The following HECTD3 variants were observed in gnomAD, a reference collection of about 807,000 sequenced individuals.
HECTD3 encodes HECT domain E3 ubiquitin protein ligase 3, also known as E3 ubiquitin-protein ligase HECTD3.
Under a neutral mutation model 109.3 loss-of-function variants are expected in HECTD3, and 72 were observed. The ratio of observed to expected loss-of-function variants is 0.66; its 90% confidence interval spans 0.54 to 0.80. The LOEUF (loss-of-function observed/expected upper bound fraction) is 0.80. Among genes scored for constraint, HECTD3 ranks in the 30% least tolerant of loss-of-function variants. The pLI, the probability that HECTD3 is intolerant of heterozygous loss-of-function variation, is 0.00. For synonymous variants in HECTD3, 481 were observed against 471.8 expected (o/e 1.02, Z -0.25); for missense variants, 1,041 against 1,165.2 (o/e 0.89, Z 1.55).
chr1:45,010,612 A>C lies in HECTD3; in HGVS notation c.464T>G (p.Ile155Ser). The change falls in exon 2 of 21, where the codon ATC becomes AGC. Residue 155 changes from isoleucine to serine, a missense_variant. Physicochemically the swap from Ile to Ser is moderately radical, Grantham distance 142. Transcript: ENST00000372172. ...PAEGGARLVP[I>S]DTPNHLQRQQ... Reference sequence around the variant, plus strand: ...CCGCTGGAGGTGGTTGGGAGTGTCGATGGGTACCAGGCGGGCTCCGCCCTC... The same window carrying C: ...CCGCTGGAGGTGGTTGGGAGTGTCGCTGGGTACCAGGCGGGCTCCGCCCTC... 1.9e-6 allele frequency: 3 copies of C among 1,612,900 alleles called. No homozygotes were observed. The highest frequency in any genetic ancestry group is 2.5e-6 in the Non-Finnish European group (3 of 1,179,898).
intron 9 of HECTD3, 97 bp downstream of exon 9, chr1:45,008,143 T>C (rs1433041512): frequency 2.1e-5 from 19 of 914,054 alleles, no homozygotes; most frequent in Non-Finnish European, 2.7e-5. Flanking sequence ...GCAAAGGTCT[T>C]GCCCTAGAGT....
chr1:45,006,056 C>A lies in HECTD3; in HGVS notation c.1786G>T (p.Ala596Ser). 1 of 1,614,172 alleles carries A rather than the reference C, an allele frequency of 6.2e-7. No individual in the cohort carries two copies. Among genetic ancestry groups the A allele is most frequent in the Non-Finnish European group, 8.5e-7 (1 of 1,180,046 alleles). The stretch of plus-strand genomic sequence containing the variant: ...AGCTGTCCGATCCATTCATACTTGG[C>A]AAAGTCTCGGCAGGAGGGGTTGGGT... ...YVPNPSCRDF[A>S]KYEWIGQLMG... The change falls in exon 14 of 21, where the codon GCC (alanine) becomes TCC (serine). Residue 596 changes from alanine to serine, a missense_variant. Coordinates refer to ENST00000372172, the MANE Select transcript of HECTD3 (RefSeq NM_024602.6). The surrounding 1 kb of genome is among the most constrained non-coding windows in gnomAD (Gnocchi z 4.7).
chr1:45,009,778 G>A (rs1055575504), intron 4 of HECTD3, 95 bp from the exon 5 acceptor site: 63 of 1,159,652 alleles, frequency 5.4e-5, no homozygotes, highest in Non-Finnish European at 7.4e-5. Context: ...AAAGCATAGT[G>A]AAGTTGGGCT....
In HECTD3 at chr1:45,007,010, G is replaced by C. The variant is rs777068872; in HGVS notation, c.1562C>G (p.Pro521Arg). The change falls in exon 12 of 21, where the codon CCC becomes CGC. Residue 521 changes from proline (P) to arginine (R), a missense_variant. Around this residue, in one of 2 missense-constraint regions of HECTD3, gnomAD observed 569 missense variants for 715.3 expected, o/e 0.80. Coordinates refer to ENST00000372172, the MANE Select transcript of HECTD3 (RefSeq NM_024602.6). ...CTCCCACCACTGGTCATAGCGCATG[G>C]GCCACCTGCAAAAAACGTGGGCAGA... ...KYEKPLDYRW[P>R]MRYDQWWECK... The C allele has an allele frequency of 6.2e-7, 1 of 1,614,000 alleles. No individual in the cohort carries two copies. The highest frequency in any genetic ancestry group is 8.5e-7 in the Non-Finnish European group (1 of 1,180,004).
rs28582938 is a variant in HECTD3 at position 45,006,811 on chromosome 1, C to G, written c.1622-16G>C. 4.3e-3 allele frequency: 6,853 copies of G among 1,609,080 alleles called. 13 individuals carry two copies. Among genetic ancestry groups the G allele is most frequent in the Non-Finnish European group, 5.1e-3 (6,006 of 1,176,860 alleles). On this transcript the variant is annotated splice_polypyrimidine_tract_variant and intron_variant, in intron 12 of 20. Coordinates refer to ENST00000372172, the MANE Select transcript of HECTD3 (RefSeq NM_024602.6). This position sits in a 1 kb window ranked among gnomAD's most constrained non-coding sequence, Gnocchi z 4.7. ...AAACCACCCCCTGAAATGACAGATG[C>G]CCTCAGCTGGGCACTCAAGAGCCCA... is the stretch of plus-strand genomic sequence containing the variant.
Position 45,003,551 on chromosome 1 carries a change from G to A in HECTD3, c.2527C>T (p.Arg843Cys), listed in dbSNP as rs1188887385. Residue 843 changes from arginine to cysteine, a missense_variant, in exon 21 of 21, where the codon CGC (arginine) becomes TGC (cysteine). Physicochemically the swap from Arg to Cys is radical, Grantham distance 180. Coordinates refer to ENST00000372172, the MANE Select transcript of HECTD3 (RefSeq NM_024602.6). This position sits in a 1 kb window ranked among gnomAD's most constrained non-coding sequence, Gnocchi z 4.7. ...ASAKVCEEKL[R>C]YAAYNCVAID... is the part of the protein sequence containing the mutation. ...GCCACGCAGTTGTAGGCCGCATAGC[G>A]GAGCTTCTCCTCGCATACCTTGGCA... 12 of 1,614,084 alleles carry A rather than the reference G, an allele frequency of 7.4e-6. No homozygotes were observed. Among genetic ancestry groups the A allele is most frequent in the East Asian group, 6.7e-5 (3 of 44,876 alleles).
In HECTD3 at chr1:45,007,614, C is replaced by A; in HGVS notation, c.1321-19G>T. The stretch of plus-strand genomic sequence containing the variant: ...TCACTTGCTAGTGAGGAGAGGTGGC[C>A]AGAGCAGGAATGAGTGGGCAGTCAG... On this transcript the variant is annotated intron_variant, in intron 9 of 20. Transcript: ENST00000372172. 6.2e-7 allele frequency: 1 copy of A among 1,601,092 alleles called. No homozygotes were observed. The highest frequency in any genetic ancestry group is 8.5e-7 in the Non-Finnish European group (1 of 1,178,026).
chr1:45,010,330 T>C, intron 2 of HECTD3, 37 bp from the exon 3 acceptor site: 1 of 1,587,096 alleles, frequency 6.3e-7, no homozygotes, highest in Non-Finnish European at 8.7e-7. Context: ...TGGGGAGACA[T>C]CAGCGGTCAG....
chr1:45,005,682 G>A, intron 15 of HECTD3, 112 bp downstream of exon 15: 4 of 819,642 alleles, frequency 4.9e-6, no homozygotes, highest in Non-Finnish European at 5.8e-6. Flanking sequence ...GGGAGTGGAT[G>A]GATTGGAGAG....
intron 15 of HECTD3, chr1:45,005,174 G>A (rs1471305159): frequency 2.7e-6 from 1 of 366,382 alleles, no homozygotes; most frequent in Non-Finnish European, 5.2e-6. Flanking sequence ...GTTCACGTAA[G>A]GCCTTTACAG....
chr1:45,010,832 A>G (rs2148979913), intron 1 of HECTD3, 57 bp downstream of exon 1: 3 of 1,506,024 alleles, frequency 2.0e-6, no homozygotes, highest in Non-Finnish European at 2.6e-6. Context: ...GCAAACAGCC[A>G]GAGGTTTCTC....
At chr1:45,004,835 AC>A in intron 15 of HECTD3, 29 bp from the exon 16 acceptor site, 1 of 1,591,232 alleles carries the variant, frequency 6.3e-7, no homozygotes, top group Non-Finnish European at 8.6e-7. Flanking sequence ...CAGGGAGGTA[AC>A]CTTTTCACTG....
At chr1:45,007,191 G>T (rs777445736) in intron 11 of HECTD3, 28 bp downstream of exon 11, 2 of 1,598,800 alleles carry the variant, frequency 1.3e-6, no homozygotes, top group South Asian at 1.1e-5. Context: ...CAGGTGTCCC[G>T]AGTAAGTCCC....
chr1:45,004,326 C>T lies in HECTD3; in HGVS notation c.2194G>A (p.Asp732Asn). Residue 732 changes from aspartate (D) to asparagine (N), a missense_variant, in exon 17 of 21, where the codon GAC becomes AAC. Asp to Asn is a conservative substitution (Grantham distance 23). This residue lies in a region of HECTD3 where 569 missense variants were observed against 715.3 expected (regional missense o/e 0.80). Transcript: ENST00000372172. ...LLKVVPQAVL[D>N]LLTWQELEKK... ...TCCAACTCTTGCCAGGTCAGCAAGT[C>T]CAGCACAGCCTGTGGTACCACCTTC... 1 of 1,614,066 alleles carries T rather than the reference C, an allele frequency of 6.2e-7. No individual in the cohort carries two copies. The highest frequency in any genetic ancestry group is 8.5e-7 in the Non-Finnish European group (1 of 1,179,928).
intron 3 of HECTD3, 39 bp from the exon 4 acceptor site, chr1:45,010,160 C>T (rs1333671256): frequency 5.0e-6 from 8 of 1,613,764 alleles, no homozygotes; most frequent in South Asian, 4.4e-5. Flanking sequence ...TGGGCCCAGA[C>T]GCAGAGCTCC....
Position 45,004,095 on chromosome 1 carries a change from T to A in HECTD3, c.2312A>T (p.Gln771Leu). The change falls in exon 18 of 21, where the codon CAG becomes CTG. Residue 771 changes from glutamine (Q) to leucine (L), a missense_variant. Gln to Leu is a moderately radical substitution (Grantham distance 113). Transcript: ENST00000372172. The part of the protein sequence containing the change: ...EDFEPSDSRV[Q>L]YFWEALNNFT... Reference sequence around the variant, plus strand: ...GTTGTTCAGTGCCTCCCAGAAATACTGCACCCGCGAGTCAGATGGCTCGAA... The same window carrying A: ...GTTGTTCAGTGCCTCCCAGAAATACAGCACCCGCGAGTCAGATGGCTCGAA... 6.2e-7 allele frequency: 1 copy of A among 1,614,028 alleles called. No individual in the cohort carries two copies. Among genetic ancestry groups the A allele is most frequent in the Non-Finnish European group, 8.5e-7 (1 of 1,180,018 alleles).
At position 45,004,618 on chromosome 1, in the gene HECTD3, T is replaced by C. The variant is rs770355077; in HGVS notation, c.2124A>G (p.Leu708=). The C allele has an allele frequency of 6.2e-7, 1 of 1,614,168 alleles. No individual in the cohort carries two copies. Among genetic ancestry groups the C allele is most frequent in the Non-Finnish European group, 8.5e-7 (1 of 1,180,024 alleles). Residue 708 remains leucine, a synonymous_variant, in exon 16 of 21, where the codon CTA becomes CTG. Transcript: ENST00000372172. ...GTACTACCTGCTCCTTGCTCTCCTC[T>C]AGCCGTGCCTTCTGGACCAGTTGGA... The part of the protein sequence containing the change: ...RFIQLVQKAR[L]EESKEQVAAM...
At chr1:45,004,214 GCTGCCCTGCC>G (rs369750324) in intron 17 of HECTD3, 24 bp downstream of exon 17, 2 of 1,613,766 alleles carry the variant, frequency 1.2e-6, no homozygotes, top group Non-Finnish European at 8.5e-7. Flanking sequence ...GCTGTGCTGT[GCTGCCCTGCC>G]CTGCCCTGCC....
chr1:45,005,429 AG>A (rs560589599), intron 15 of HECTD3: 89 of 224,102 alleles, frequency 4.0e-4, no homozygotes, highest in African/African-American at 1.8e-3. Context: ...AGGGAGAAGA[AG>A]GGGTGAAGGA....
Sources: gnomAD v4.1 joint callset for allele counts on GRCh38, gnomAD v4.1.1 for gene constraint, gnomAD v4.1.1 regional missense constraint, Gnocchi (gnomAD v3.1) non-coding constraint, MANE v1.5 for transcripts, NCBI Gene and HGNC (gene_info 2026-07-23, HGNC 2026-07-21) for gene names.